Variants in ATP8B2 observed in about 807,000 individuals in gnomAD.
The protein encoded by ATP8B2 is ATPase phospholipid transporting 8B2.
In ATP8B2, 70 loss-of-function variants were observed where a neutral mutation model predicts 133.4. That is an observed-to-expected ratio of 0.52 (90% CI 0.43 to 0.64). The LOEUF is 0.64. ATP8B2 is among the 30% of genes least tolerant of loss of function. The pLI is 0.00. For missense variants in ATP8B2, 1,101 were observed against 1,535.7 expected, an observed-to-expected ratio of 0.72 and a Z score of 4.73; for synonymous variants, 517 against 589.5, an observed-to-expected ratio of 0.88 and a Z score of 1.78.
At chr1:154,330,358 A>C (rs200631375) in intron 2 of ATP8B2, 38 bp from the exon 3 acceptor site, 1 of 1,572,272 alleles carries the variant, frequency 6.4e-7, no homozygotes, top group East Asian at 2.4e-5. Context: ...TCCAGACCTC[A>C]GTTTGCTCCT....
chr1:154,337,724 C>T lies in ATP8B2; in HGVS notation c.1034+180C>T, dbSNP rs368869333. ...AGAGCAAACTTTTTACCACAGTTTC[C>T]TGGTACTTGGGACTGTATTAGAGAA... is the stretch of plus-strand genomic sequence containing the variant. On this transcript the variant is annotated intron_variant, in intron 12 of 27. Transcript: ENST00000368489. 1.4e-5 allele frequency: 22 copies of T among 1,544,028 alleles called. No homozygotes were observed. In the African/African-American group the frequency reaches 2.6e-4, roughly 19 times the overall value.
intron 1 of ATP8B2, among the ~76,000 whole-genome samples, chr1:154,326,655 G>A (rs370402987): frequency 6.6e-6 from 1 of 152,320 alleles, no homozygotes; most frequent in East Asian, 1.9e-4. Flanking sequence ...GGGTCTCAGA[G>A]GTAGAACAAC....
At position 154,341,074 on chromosome 1, in the gene ATP8B2, C is replaced by T. The variant is rs764334744; in HGVS notation, c.1243+12C>T. The T allele has an allele frequency of 3.7e-6, 6 of 1,613,750 alleles. No homozygotes were observed. The South Asian group carries it at 4.4e-5, about 12-fold the overall frequency. On this transcript the variant is annotated intron_variant, in intron 13 of 27. Coordinates refer to ENST00000368489, the MANE Select transcript of ATP8B2 (RefSeq NM_001370597.1). ...TGGCCACAGCTATGGTATGGTGGCACCACTGGGGACTGGGGGCTTGCACCT... is the reference window on the plus strand; with the variant it reads ...TGGCCACAGCTATGGTATGGTGGCATCACTGGGGACTGGGGGCTTGCACCT...
At chr1:154,326,435 A>G (rs1035355675) in intron 1 of ATP8B2, among the ~76,000 whole-genome samples, 2 of 151,940 alleles carry the variant, frequency 1.3e-5, no homozygotes, top group African/African-American at 4.8e-5. Flanking sequence ...TTTTATCCCA[A>G]ATGTGGCCGA....
rs1028953763 is a variant in ATP8B2, at chr1:154,337,563, C to T, written c.1034+19C>T. The T allele has an allele frequency of 2.5e-6, 4 of 1,614,048 alleles. No homozygotes were observed. The highest frequency in any genetic ancestry group is 2.2e-5 in the East Asian group (1 of 44,896). The stretch of plus-strand genomic sequence containing the variant: ...ATGTCAGGTATGTGCCTTCTCTGAC[C>T]TGGGGTCTCTCCAGGGAGTCAGGCG... On this transcript the variant is annotated intron_variant, in intron 12 of 27. Transcript: ENST00000368489.
chr1:154,326,195 C>G (rs1342260916), intron 1 of ATP8B2, among the ~76,000 whole-genome samples: 6 of 152,052 alleles, frequency 3.9e-5, no homozygotes, highest in Admixed American at 3.3e-4. Context: ...ATAGCTGTGC[C>G]GGGAGCCCTG....
chr1:154,348,632 T>C (rs1471590292), intron 27 of ATP8B2, 94 bp downstream of exon 27: 1 of 1,526,918 alleles, frequency 6.5e-7, no homozygotes, highest in Non-Finnish European at 8.9e-7. Flanking sequence ...GCCATGTGGC[T>C]GTTCAGTGTG....
intron 13 of ATP8B2, 179 bp downstream of exon 13, chr1:154,341,241 T>A (rs1031072705): frequency 1.4e-6 from 1 of 697,948 alleles, no homozygotes; most frequent in Non-Finnish European, 2.5e-6. Flanking sequence ...TCATAGCACT[T>A]TGGGAGGCTG....
At chr1:154,327,921 G>A in intron 1 of ATP8B2, 184 bp from the exon 2 acceptor site, 1 of 1,571,938 alleles carries the variant, frequency 6.4e-7, no homozygotes, top group Non-Finnish European at 8.8e-7. Context: ...CATGATGGGA[G>A]GTGGTGGGGA....
At position 154,345,077 on chromosome 1, in the gene ATP8B2, T is replaced by G. The variant is rs1432257564; in HGVS notation, c.2393T>G (p.Val798Gly). 1.2e-6 allele frequency: 2 copies of G among 1,614,004 alleles called. No homozygotes were observed. The highest frequency in any genetic ancestry group is 1.7e-6 in the Non-Finnish European group (2 of 1,180,032). ...RVTPLQKAQV[V>G]ELVKKYKKAV... is the part of the protein sequence containing the mutation. ...ACCCCCTTGCAGAAGGCACAGGTGG[T>G]AGAACTGGTCAAGAAGTACAAGAAG... Residue 798 changes from valine to glycine, a missense_variant, in exon 22 of 28, where the codon GTA (valine) becomes GGA (glycine). Physicochemically the swap from Val to Gly is moderately radical, Grantham distance 109 (BLOSUM62 -3). Transcript: ENST00000368489. The surrounding 1 kb of genome is among the most constrained non-coding windows in gnomAD (Gnocchi z 5.6).
At position 154,344,953 on chromosome 1, in the gene ATP8B2, G is replaced by A; in HGVS notation, c.2287-18G>A. The stretch of plus-strand genomic sequence containing the variant: ...TCTCCTGGAAAGACTGGCTCTCTCA[G>A]GTTTCTCTGTGCTCCAGGCCCACGC... On this transcript the variant is annotated intron_variant, in intron 21 of 27. Transcript: ENST00000368489. The surrounding 1 kb of genome is among the most constrained non-coding windows in gnomAD (Gnocchi z 4.1). 1.4e-5 allele frequency: 23 copies of A among 1,601,192 alleles called. No homozygotes were observed. Among genetic ancestry groups the A allele is most frequent in the Non-Finnish European group, 2.0e-5 (23 of 1,172,558 alleles).
chr1:154,346,111 C>T lies in ATP8B2; in HGVS notation c.2779-120C>T. 11 of 1,445,208 alleles carry T rather than the reference C, an allele frequency of 7.6e-6. No homozygotes were observed. Among genetic ancestry groups the T allele is most frequent in the East Asian group, 2.3e-5 (1 of 43,848 alleles). The allele number at this position is 1,445,208 out of a possible 1,614,324, so 89.5% of individuals were successfully genotyped here. On this transcript the variant is annotated intron_variant, in intron 24 of 27. Transcript: ENST00000368489. The surrounding 1 kb of genome is among the most constrained non-coding windows in gnomAD (Gnocchi z 4.5). ...GGGGGTAGCTGGCTTGAGGTTGGTT[C>T]TAGCTGCCAAAGACTTTGGAAAGGA... is the stretch of plus-strand genomic sequence containing the variant.
chr1:154,337,252 C>A, intron 11 of ATP8B2, 96 bp from the exon 12 acceptor site: 1 of 1,435,122 alleles, frequency 7.0e-7, no homozygotes, highest in Non-Finnish European at 9.4e-7. Flanking sequence ...AGCATCTGAG[C>A]TTTTGAGGGC....
Position 154,328,002 on chromosome 1 carries a change from G to A in ATP8B2, c.-37-103G>A. 1.3e-6 allele frequency: 2 copies of A among 1,504,976 alleles called. No individual in the cohort carries two copies. Among genetic ancestry groups the A allele is most frequent in the Non-Finnish European group, 1.8e-6 (2 of 1,081,146 alleles). 93.2% of individuals were successfully genotyped at this position (1,504,976 alleles called of 1,614,324 possible). A position where few individuals can be genotyped will look rare whatever the true frequency, so the allele number is the denominator to read the frequency against. Reference sequence around the variant, plus strand: ...CTGGGAGAAGGAGGCTGGGGGAGGGGCAGGGTCAGAGCTGGAGAAGAGGGT... The same window carrying A: ...CTGGGAGAAGGAGGCTGGGGGAGGGACAGGGTCAGAGCTGGAGAAGAGGGT... On this transcript the variant is annotated intron_variant, in intron 1 of 27. Transcript: ENST00000368489. The surrounding 1 kb of genome is among the most constrained non-coding windows in gnomAD (Gnocchi z 4.6).
chr1:154,328,031 C>A lies in ATP8B2; in HGVS notation c.-37-74C>A. The A allele has an allele frequency of 6.5e-7, 1 of 1,547,498 alleles. No individual in the cohort carries two copies. Among genetic ancestry groups the A allele is most frequent in the East Asian group, 2.2e-5 (1 of 44,530 alleles). On this transcript the variant is annotated intron_variant, in intron 1 of 27. Coordinates refer to ENST00000368489, the MANE Select transcript of ATP8B2 (RefSeq NM_001370597.1). This position sits in a 1 kb window ranked among gnomAD's most constrained non-coding sequence, Gnocchi z 4.6. ...GGTCAGAGCTGGAGAAGAGGGTCTT[C>A]AAAAGAGGTCTCATGAGGGGAGGGA...
rs749608078 is a variant in ATP8B2, at chr1:154,342,925, C to G, written c.1417C>G (p.Leu473Val). 6.2e-7 allele frequency: 1 copy of G among 1,614,186 alleles called. No homozygotes were observed. Among genetic ancestry groups the G allele is most frequent in the Non-Finnish European group, 8.5e-7 (1 of 1,180,048 alleles). The stretch of plus-strand genomic sequence containing the variant: ...GCATGAGTTCTTCCGCCTCCTTTCC[C>G]TGTGTCATACTGTCATGTCAGAAGA... ...HTHEFFRLLS[L>V]CHTVMSEEKN... The change falls in exon 15 of 28, where the codon CTG (leucine) becomes GTG (valine). Residue 473 changes from leucine (L) to valine (V), a missense_variant. Transcript: ENST00000368489.
Position 154,328,298 on chromosome 1 carries a change from C to T in ATP8B2, c.31+126C>T. 1 of 1,057,222 alleles carries T rather than the reference C, an allele frequency of 9.5e-7. No individual in the cohort carries two copies. The highest frequency in any genetic ancestry group is 1.9e-5 in the Admixed American group (1 of 51,860). The allele number at this position is 1,057,222 out of a possible 1,614,324, so 65.5% of individuals were successfully genotyped here. ...GGAGGGTAGCTTACAGCAGCCCCTACCCAGCTTGGGGGCAGCCTAGGAAAC... is the reference window on the plus strand; with the variant it reads ...GGAGGGTAGCTTACAGCAGCCCCTATCCAGCTTGGGGGCAGCCTAGGAAAC... On this transcript the variant is annotated intron_variant, in intron 2 of 27. Coordinates refer to ENST00000368489, the MANE Select transcript of ATP8B2 (RefSeq NM_001370597.1). This position sits in a 1 kb window ranked among gnomAD's most constrained non-coding sequence, Gnocchi z 4.6.
chr1:154,349,173 C>T lies in ATP8B2; in HGVS notation c.*55C>T, dbSNP rs1248733438. On this transcript the variant is annotated 3_prime_UTR_variant, in exon 28 of 28. Coordinates refer to ENST00000368489, the MANE Select transcript of ATP8B2 (RefSeq NM_001370597.1). ...ACCAGAGCACCCAGGGCTGGCCAGT[C>T]ACTGAGGGAACAGCGTCTCGGAACT... The T allele has an allele frequency of 1.3e-6, 2 of 1,577,624 alleles. No homozygotes were observed. The highest frequency in any genetic ancestry group is 1.7e-6 in the Non-Finnish European group (2 of 1,158,052).
At position 154,343,533 on chromosome 1, in the gene ATP8B2, CAA is replaced by C. The variant is rs1686457161; in HGVS notation, c.1724_1725del (p.Gln575ArgfsTer11). On this transcript the variant is annotated frameshift_variant, in exon 17 of 28. Transcript: ENST00000368489. LOFTEE classifies it high-confidence loss of function. The surrounding 1 kb of genome is among the most constrained non-coding windows in gnomAD (Gnocchi z 5.8). ...ILLDRLHHST[Q>X]ELLNTTMDHL... is the part of the protein sequence containing the mutation. Reference sequence around the variant, plus strand: ...ACTGGACAGACTGCACCACTCCACTCAAGAGCTGCTCAACACCACCATGGACC... The same window carrying C: ...ACTGGACAGACTGCACCACTCCACTCGAGCTGCTCAACACCACCATGGACC... 1 of 1,613,986 alleles carries C rather than the reference CAA, an allele frequency of 6.2e-7. No individual in the cohort carries two copies. The highest frequency in any genetic ancestry group is 1.3e-5 in the African/African-American group (1 of 74,880).
Sources: allele counts gnomAD v4.1 joint callset (sites outside exome capture counted in the v4.1 genomes callset), GRCh38; gene constraint gnomAD v4.1.1; non-coding constraint Gnocchi (gnomAD v3.1); transcripts MANE v1.5; gene names NCBI Gene and HGNC (gene_info 2026-07-23, HGNC 2026-07-21).